The following ERH variants were observed in gnomAD, a reference collection of about 807,000 sequenced individuals.
ERH encodes the protein enhancer of rudimentary homolog.
A neutral mutation model predicts 16.8 loss-of-function variants in ERH; 1 was observed. That is an observed-to-expected ratio of 0.06 (90% CI 0.02 to 0.28). The LOEUF (loss-of-function observed/expected upper bound fraction) is 0.28. ERH is among the 10% of genes least tolerant of loss of function. The probability of loss-of-function intolerance (pLI) is 1.00; values close to 1 mark genes in which losing one functional copy is unlikely to be tolerated. For missense variants in ERH, 42 were observed against 127.5 expected, an observed-to-expected ratio of 0.33 and a Z score of 3.23; for synonymous variants, 43 against 43.6, an observed-to-expected ratio of 0.99 and a Z score of 0.05.
rs1417382490 is a variant in ERH at position 69,398,255 on chromosome 14, C to T, written c.-22G>A. 1.2e-6 allele frequency: 2 copies of T among 1,613,510 alleles called. No homozygotes were observed. The highest frequency in any genetic ancestry group is 8.5e-7 in the Non-Finnish European group (1 of 1,179,924). Reference sequence around the variant, plus strand: ...CCATCGCGCCAAACTCTCTTCGCTACAGCAGCTGCCGACACCGCCGCCGTT... The same window carrying T: ...CCATCGCGCCAAACTCTCTTCGCTATAGCAGCTGCCGACACCGCCGCCGTT... On this transcript the variant is annotated 5_prime_UTR_variant, in exon 1 of 4. Transcript: ENST00000557016.
intron 3 of ERH, among the ~76,000 whole-genome samples, chr14:69,383,116 A>T (rs1428827057): frequency 6.6e-6 from 1 of 152,242 alleles, no homozygotes; most frequent in Non-Finnish European, 1.5e-5. Context: ...AATACTGCAT[A>T]ATCAAAAGGG....
chr14:69,383,832 T>C (rs867090685), intron 3 of ERH, among the ~76,000 whole-genome samples: 1 of 152,184 alleles, frequency 6.6e-6, no homozygotes, highest in African/African-American at 2.4e-5. Flanking sequence ...GTATGCTAGA[T>C]ATGGTTTCTA....
At chr14:69,383,349 T>C (rs1308397513) in intron 3 of ERH, among the ~76,000 whole-genome samples, 1 of 152,178 alleles carries the variant, frequency 6.6e-6, no homozygotes, top group Non-Finnish European at 1.5e-5. Flanking sequence ...AAAAAAGTCC[T>C]AGGTCACTGC....
At chr14:69,381,832 G>A (rs893818449) in intron 3 of ERH, among the ~76,000 whole-genome samples, 2 of 152,126 alleles carry the variant, frequency 1.3e-5, no homozygotes, top group Non-Finnish European at 2.9e-5. Flanking sequence ...AAGACTATAG[G>A]TGTGTGCCAC....
chr14:69,397,679 G>C (rs1882386153), intron 1 of ERH, among the ~76,000 whole-genome samples: 1 of 152,184 alleles, frequency 6.6e-6, no homozygotes, highest in African/African-American at 2.4e-5. Context: ...AGCACTTTGG[G>C]ATGCCGAGGC....
intron 1 of ERH, 48 bp from the exon 2 acceptor site, chr14:69,394,960 C>A (rs749086693): frequency 7.6e-7 from 1 of 1,316,536 alleles, no homozygotes; most frequent in Non-Finnish European, 1.1e-6. Context: ...TTGAGAAATT[C>A]ATAGTATGAT....
chr14:69,389,296 G>T (rs1189817757), intron 2 of ERH, among the ~76,000 whole-genome samples: 2 of 152,138 alleles, frequency 1.3e-5, no homozygotes, highest in African/African-American at 4.8e-5. Context: ...CAAAGTGCTG[G>T]GATTACAGGC....
At chr14:69,385,124 C>T (rs1471570685) in intron 3 of ERH, among the ~76,000 whole-genome samples, 5 of 152,166 alleles carry the variant, frequency 3.3e-5, no homozygotes, top group African/African-American at 9.7e-5. Context: ...GTCATTCAGT[C>T]GTTGCTGTTG....
intron 2 of ERH, among the ~76,000 whole-genome samples, chr14:69,388,657 C>T (rs1030642618): frequency 3.9e-5 from 6 of 152,122 alleles, no homozygotes; most frequent in Admixed American, 1.3e-4. Context: ...CCATCGTGCC[C>T]GGCCTGATAC....
chr14:69,397,411 A>C (rs1882370687), intron 1 of ERH, among the ~76,000 whole-genome samples: 1 of 151,218 alleles, frequency 6.6e-6, no homozygotes, highest in Non-Finnish European at 1.5e-5. Flanking sequence ...TCGAGGGCTG[A>C]GGGACGCGCC....
At chr14:69,383,115 T>A (rs569717010) in intron 3 of ERH, among the ~76,000 whole-genome samples, 15 of 152,320 alleles carry the variant, frequency 9.8e-5, no homozygotes, top group African/African-American at 3.6e-4. Flanking sequence ...AAATACTGCA[T>A]AATCAAAAGG....
intron 3 of ERH, among the ~76,000 whole-genome samples, chr14:69,384,052 T>C (rs1322729042): frequency 6.6e-6 from 1 of 152,194 alleles, no homozygotes; most frequent in East Asian, 1.9e-4. Context: ...GACATACTTG[T>C]ATATCATTAA....
chr14:69,380,337 AAAAAG>A lies in ERH; in HGVS notation c.*196_*200del. ...CATAAAAATGTTTAAGTAAAAAAAA[AAAAAG>A]AAAGAGAAAGAAAAAGAGGAGGTAA... On this transcript the variant is annotated 3_prime_UTR_variant, in exon 4 of 4. Coordinates refer to ENST00000557016, the MANE Select transcript of ERH (RefSeq NM_004450.3). The A allele has an allele frequency of 4.7e-6, 2 of 421,054 alleles. No individual in the cohort carries two copies. Among genetic ancestry groups the A allele is most frequent in the East Asian group, 6.9e-5 (2 of 28,812 alleles). The allele number at this position is 421,054 out of a possible 1,614,324, so 26.1% of individuals were successfully genotyped here. A position where few individuals can be genotyped will look rare whatever the true frequency, so the allele number is the denominator to read the frequency against.
At chr14:69,394,024 G>GA (rs770774291) in intron 2 of ERH, among the ~76,000 whole-genome samples, 136 of 129,276 alleles carry the variant, frequency 1.1e-3, no homozygotes, top group Middle Eastern at 4.0e-3. Flanking sequence ...GTGTCTTAAG[G>GA]AAAAAAAAAA....
intron 3 of ERH, among the ~76,000 whole-genome samples, chr14:69,382,731 C>T (rs112664252): frequency 0.12 from 18,300 of 148,290 alleles, 1,349 homozygotes; most frequent in Middle Eastern, 0.25. Context: ...CCCAGCTACT[C>T]GGGAGGCTGA....
At chr14:69,398,206 G>A in intron 1 of ERH, 25 bp downstream of exon 1, 1 of 1,613,950 alleles carries the variant, frequency 6.2e-7, no homozygotes, top group Middle Eastern at 1.7e-4. Flanking sequence ...ACTCGGACTC[G>A]GGTAGCCGCG....
At chr14:69,389,267 TC>T (rs2045910335) in intron 2 of ERH, among the ~76,000 whole-genome samples, 2 of 152,302 alleles carry the variant, frequency 1.3e-5, no homozygotes, top group East Asian at 3.9e-4. Flanking sequence ...CCTCAGGTGA[TC>T]CACCCGCGTC....
intron 3 of ERH, among the ~76,000 whole-genome samples, chr14:69,383,228 G>C (rs1278641139): frequency 6.6e-6 from 1 of 152,154 alleles, no homozygotes; most frequent in African/African-American, 2.4e-5. Flanking sequence ...AAATTTTCAT[G>C]CCTACATTTT....
At position 69,397,675 on chromosome 14, in the gene ERH, T is replaced by C. The variant is rs150939435; in HGVS notation, c.3+556A>G. On this transcript the variant is annotated intron_variant, in intron 1 of 3. Transcript: ENST00000557016. Reference sequence around the variant, plus strand: ...GGCTCACGCCTGTAATCCCAGCACTTTGGGATGCCGAGGCGGGTGGATTGC... The same window carrying C: ...GGCTCACGCCTGTAATCCCAGCACTCTGGGATGCCGAGGCGGGTGGATTGC... 9.4e-3 allele frequency among the ~76,000 whole-genome samples: 1,428 copies of C among 152,168 alleles called. 14 individuals are homozygous for C. Among genetic ancestry groups the C allele is most frequent in the Middle Eastern group, 0.02 (6 of 294 alleles).
Sources: allele counts gnomAD v4.1 joint callset (sites outside exome capture counted in the v4.1 genomes callset), GRCh38; gene constraint gnomAD v4.1.1; transcripts MANE v1.5; gene names NCBI Gene and HGNC (gene_info 2026-07-23, HGNC 2026-07-21).